The following PREX2 variants were observed in gnomAD, a reference collection of about 807,000 sequenced individuals.
PREX2 encodes the protein phosphatidylinositol-3,4,5-trisphosphate dependent Rac exchange factor 2, also known as phosphatidylinositol 3,4,5-trisphosphate-dependent Rac exchanger 2 protein.
A neutral mutation model predicts 203.2 loss-of-function variants in PREX2; 107 were observed. The ratio of observed to expected loss-of-function variants is 0.53; its 90% confidence interval spans 0.45 to 0.62. The LOEUF (loss-of-function observed/expected upper bound fraction) is 0.62. PREX2 is among the 20% of genes least tolerant of loss of function. PREX2 has a pLI of 0.00. For synonymous variants in PREX2, 672 were observed against 663.6 expected (o/e 1.01, Z -0.19); for missense variants, 1,777 against 1,955.9 (o/e 0.91, Z 1.72).
intron 24 of PREX2, chr8:68,109,146 A>G (rs1043018617): frequency 3.9e-5 from 18 of 467,488 alleles, no homozygotes; most frequent in Non-Finnish European, 5.9e-5. Flanking sequence ...CATGCTGAGT[A>G]TAGTTAACAT....
rs938791889 is a variant in PREX2, at chr8:68,152,819, G to T, written c.4232-4503G>T. On this transcript the variant is annotated intron_variant, in intron 34 of 39. Transcript: ENST00000288368. Reference sequence around the variant, plus strand: ...TCAGAGTTCTCCTGGCAAAGCTTCTGCAGGCATCTCAACTATTGTCAGTTT... The same window carrying T: ...TCAGAGTTCTCCTGGCAAAGCTTCTTCAGGCATCTCAACTATTGTCAGTTT... 3.3e-5 allele frequency among the ~76,000 whole-genome samples: 5 copies of T among 152,312 alleles called. No homozygotes were observed. The South Asian group carries it at 1.0e-3, about 32-fold the overall frequency.
At chr8:68,188,969 AAAAT>A (rs1812244076) in intron 35 of PREX2, among the ~76,000 whole-genome samples, 1 of 152,240 alleles carries the variant, frequency 6.6e-6, no homozygotes, top group Non-Finnish European at 1.5e-5. Flanking sequence ...GAAATGAATA[AAAAT>A]AAATAAAATC....
At chr8:68,171,001 G>A (rs1811865382) in intron 35 of PREX2, among the ~76,000 whole-genome samples, 2 of 152,116 alleles carry the variant, frequency 1.3e-5, no homozygotes, top group Non-Finnish European at 2.9e-5. Flanking sequence ...GATTTGAAGG[G>A]TTTAGATTAT....
intron 35 of PREX2, among the ~76,000 whole-genome samples, chr8:68,178,799 G>C (rs1328462498): frequency 6.6e-6 from 1 of 152,096 alleles, no homozygotes; most frequent in African/African-American, 2.4e-5. Context: ...AAATCTCATA[G>C]AGATATGCTT....
chr8:68,124,003 T>C (rs1477871376), intron 30 of PREX2, among the ~76,000 whole-genome samples: 1 of 152,086 alleles, frequency 6.6e-6, no homozygotes, highest in Non-Finnish European at 1.5e-5. Context: ...TGAACATCAA[T>C]GCAGAAATCT....
intron 30 of PREX2, among the ~76,000 whole-genome samples, chr8:68,122,627 G>T (rs1227728353): frequency 1.3e-5 from 2 of 151,928 alleles, no homozygotes; most frequent in Non-Finnish European, 2.9e-5. Flanking sequence ...ATGCATATTG[G>T]CTAGGAATGG....
In PREX2 at chr8:68,236,606, A is replaced by C. The variant is rs1813269404; in HGVS notation, c.*5228A>C. ...ATTTGAATATCTAATGCCTCAAGCA[A>C]ATTTATTAGAGTTTCAGATGAATAT... is the stretch of plus-strand genomic sequence containing the variant. On this transcript the variant is annotated 3_prime_UTR_variant, in exon 40 of 40. Transcript: ENST00000288368. 1 of 152,188 alleles carries C rather than the reference A, an allele frequency of 6.6e-6. No individual in the cohort carries two copies. The highest frequency in any genetic ancestry group is 1.9e-4 in the East Asian group (1 of 5,198). The allele number at this position is 152,188 out of a possible 1,614,324, so 9.4% of individuals were successfully genotyped here.
chr8:68,065,726 T>C (rs1425213110), intron 11 of PREX2, among the ~76,000 whole-genome samples: 1 of 152,196 alleles, frequency 6.6e-6, no homozygotes, highest in East Asian at 1.9e-4. Context: ...GCAAATTATC[T>C]CTTCTACAAA....
chr8:68,069,120 A>G lies in PREX2; in HGVS notation c.1427A>G (p.Gln476Arg). The G allele has an allele frequency of 6.4e-7, 1 of 1,561,090 alleles. No homozygotes were observed. Among genetic ancestry groups the G allele is most frequent in the Non-Finnish European group, 8.7e-7 (1 of 1,148,168 alleles). ...ACATTTTATCCAAGAAATGAGATGC[A>G]GGACGTGATTTCAAAGGTAACGACC... The part of the protein sequence containing the change: ...DGTFYPRNEM[Q>R]DVISKGVRLY... The change falls in exon 12 of 40, where the codon CAG (glutamine) becomes CGG (arginine). Residue 476 changes from glutamine (Q) to arginine (R), a missense_variant. Physicochemically the swap from Gln to Arg is conservative, Grantham distance 43. Transcript: ENST00000288368.
intron 8 of PREX2, among the ~76,000 whole-genome samples, chr8:68,047,793 A>C (rs1808414309): frequency 6.6e-6 from 1 of 151,844 alleles, no homozygotes; most frequent in Admixed American, 6.6e-5. Flanking sequence ...TAGTTTTCTA[A>C]GGAAGAAGCT....
chr8:68,193,521 T>C (rs146888984), intron 37 of PREX2, among the ~76,000 whole-genome samples: 1 of 152,182 alleles, frequency 6.6e-6, no homozygotes, highest in South Asian at 2.1e-4. Context: ...TCAGTGCTGT[T>C]GGCTGTGTAA....
chr8:67,969,738 C>G (rs1805872111), intron 1 of PREX2, among the ~76,000 whole-genome samples: 1 of 152,212 alleles, frequency 6.6e-6, no homozygotes, highest in Non-Finnish European at 1.5e-5. Flanking sequence ...ATGGAACCCT[C>G]AGGAAAAACT....
intron 1 of PREX2, among the ~76,000 whole-genome samples, chr8:67,976,864 G>A (rs1402964757): frequency 1.3e-5 from 2 of 152,204 alleles, no homozygotes; most frequent in Non-Finnish European, 2.9e-5. Flanking sequence ...AGACATGTGA[G>A]GGATGAAGTG....
intron 28 of PREX2, 35 bp downstream of exon 28, chr8:68,119,549 A>T: frequency 6.7e-7 from 1 of 1,494,234 alleles, no homozygotes; most frequent in Non-Finnish European, 9.3e-7. Flanking sequence ...TTTGTTCCAC[A>T]ACTAAACTGT....
chr8:68,158,366 A>G (rs753259539), intron 35 of PREX2, among the ~76,000 whole-genome samples: 24 of 152,060 alleles, frequency 1.6e-4, no homozygotes, highest in Non-Finnish European at 2.6e-4. Flanking sequence ...CTGAGACAAA[A>G]TTAGTATAAG....
intron 35 of PREX2, among the ~76,000 whole-genome samples, chr8:68,172,841 C>A (rs1042045610): frequency 2.6e-5 from 4 of 152,186 alleles, no homozygotes; most frequent in Non-Finnish European, 5.9e-5. Context: ...TTCTTTGCAT[C>A]CAGCTCTTCC....
chr8:67,970,738 A>G (rs778329535), intron 1 of PREX2, among the ~76,000 whole-genome samples: 1 of 152,250 alleles, frequency 6.6e-6, no homozygotes, highest in Non-Finnish European at 1.5e-5. Flanking sequence ...ACAACTGATT[A>G]TCATACAGGA....
chr8:68,231,511 C>T lies in PREX2; in HGVS notation c.*133C>T, dbSNP rs529607002. 79 of 640,314 alleles carry T rather than the reference C, an allele frequency of 1.2e-4. No individual in the cohort carries two copies. The African/African-American group carries it at 1.5e-3, about 12-fold the overall frequency. 39.7% of individuals were successfully genotyped at this position (640,314 alleles called of 1,614,324 possible). ...TTTTTTTTTTCTGTAAATCTTTCTT[C>T]CCATTGCAAACAAGTAGTGATCAGT... is the stretch of plus-strand genomic sequence containing the variant. On this transcript the variant is annotated 3_prime_UTR_variant, in exon 40 of 40. Coordinates refer to ENST00000288368, the MANE Select transcript of PREX2 (RefSeq NM_024870.4).
chr8:68,005,812 T>C (rs1807077995), intron 1 of PREX2, among the ~76,000 whole-genome samples: 1 of 152,192 alleles, frequency 6.6e-6, no homozygotes, highest in African/African-American at 2.4e-5. Flanking sequence ...TGCACACTCA[T>C]TGAGGGCAAG....
Sources: gnomAD v4.1 joint callset for allele counts (sites outside exome capture counted in the v4.1 genomes callset) on GRCh38, gnomAD v4.1.1 for gene constraint, MANE v1.5 for transcripts, NCBI Gene and HGNC (gene_info 2026-07-23, HGNC 2026-07-21) for gene names.